CAMTA1: variants seen among roughly 807,000 people sequenced by gnomAD.
CAMTA1 encodes calmodulin-binding transcription activator 1.
A neutral mutation model predicts 170.9 loss-of-function variants in CAMTA1; 27 were observed. The ratio of observed to expected loss-of-function variants is 0.16; its 90% CI spans 0.12 to 0.22. The LOEUF is 0.22. Ranked by LOEUF, CAMTA1 falls within the 10% of genes least tolerant of loss-of-function variation. The pLI is 1.00. For missense variants in CAMTA1, 1,619 were observed against 2,217.2 expected, an observed-to-expected ratio of 0.73 and a Z score of 5.42; for synonymous variants, 833 against 891.5, an observed-to-expected ratio of 0.93 and a Z score of 1.17.
At position 7,360,559 on chromosome 1, in the gene CAMTA1, G is replaced by T. The variant is rs148308918; in HGVS notation, c.439-107271G>T. On this transcript the variant is annotated intron_variant, in intron 5 of 22. Transcript: ENST00000303635. Reference sequence around the variant, plus strand: ...CCTACCTTGGAGGATTGATTGATCTGGGATCAAATGAGGTCAAAGATGACA... The same window carrying T: ...CCTACCTTGGAGGATTGATTGATCTTGGATCAAATGAGGTCAAAGATGACA... 5.3e-3 allele frequency among the ~76,000 whole-genome samples: 814 copies of T among 152,328 alleles called. 3 individuals are homozygous for T. The highest frequency in any genetic ancestry group is 8.8e-3 in the Non-Finnish European group (599 of 68,028).
chr1:7,470,060 C>A (rs2093301965), intron 6 of CAMTA1, among the ~76,000 whole-genome samples: 1 of 152,246 alleles, frequency 6.6e-6, no homozygotes, highest in African/African-American at 2.4e-5. Context: ...GACCAGGCTT[C>A]TTCATGGCCG....
At chr1:6,987,309 T>C (rs568382791) in intron 3 of CAMTA1, among the ~76,000 whole-genome samples, 21 of 152,222 alleles carry the variant, frequency 1.4e-4, no homozygotes, top group Admixed American at 1.2e-3. Flanking sequence ...ACTACAGGCA[T>C]GTGCCACCAT....
intron 3 of CAMTA1, among the ~76,000 whole-genome samples, chr1:7,034,564 C>A (rs547874424): frequency 6.6e-6 from 1 of 152,356 alleles, no homozygotes; most frequent in Admixed American, 6.5e-5. Flanking sequence ...CTGCACAGCT[C>A]TGGAGTTCTC....
chr1:7,433,862 G>A (rs920883030), intron 5 of CAMTA1, among the ~76,000 whole-genome samples: 4 of 152,132 alleles, frequency 2.6e-5, no homozygotes, highest in Non-Finnish European at 4.4e-5. Flanking sequence ...ACAGGAAAGG[G>A]AGACTCATGG....
chr1:7,527,371 T>G (rs2094442828), intron 6 of CAMTA1, among the ~76,000 whole-genome samples: 1 of 152,184 alleles, frequency 6.6e-6, no homozygotes, highest in African/African-American at 2.4e-5. Context: ...TGGAGAGTCA[T>G]CCCTGGGCTA....
chr1:6,990,833 G>A (rs151332872), intron 3 of CAMTA1, among the ~76,000 whole-genome samples: 1,957 of 150,710 alleles, frequency 0.013, 35 homozygotes, highest in African/African-American at 0.045. Flanking sequence ...ATATATATAT[G>A]TGTGTGTGTG....
chr1:7,411,007 C>CTG (rs139916105), intron 5 of CAMTA1, among the ~76,000 whole-genome samples: 1 of 151,042 alleles, frequency 6.6e-6, no homozygotes, highest in Non-Finnish European at 1.5e-5. Flanking sequence ...GTGTGTATGT[C>CTG]TGTGTGTGTG....
intron 4 of CAMTA1, among the ~76,000 whole-genome samples, chr1:7,207,779 A>G (rs1054406249): frequency 2.0e-5 from 3 of 152,036 alleles, no homozygotes; most frequent in Non-Finnish European, 4.4e-5. Flanking sequence ...ACCTGCCTTT[A>G]TCTCCCCAGT....
intron 3 of CAMTA1, among the ~76,000 whole-genome samples, chr1:6,904,453 G>C (rs183508060): frequency 5.0e-4 from 76 of 151,652 alleles, no homozygotes; most frequent in African/African-American, 1.7e-3. Context: ...TCTCTGGACT[G>C]TTTTCTGATT....
chr1:6,920,765 A>G (rs1681828788), intron 3 of CAMTA1, among the ~76,000 whole-genome samples: 1 of 152,146 alleles, frequency 6.6e-6, no homozygotes, highest in Non-Finnish European at 1.5e-5. Flanking sequence ...TAGGGCTTCC[A>G]CCCTCTGAAG....
chr1:7,713,636 G>T (rs759943912), intron 11 of CAMTA1, among the ~76,000 whole-genome samples: 26 of 152,126 alleles, frequency 1.7e-4, no homozygotes, highest in East Asian at 1.3e-3. Flanking sequence ...TCAATAGCTC[G>T]TGGGAAATGT....
At position 7,113,656 on chromosome 1, in the gene CAMTA1, G is replaced by A. The variant is rs1307612175; in HGVS notation, c.302+22285G>A. Among the ~76,000 whole-genome samples the A allele has an allele frequency of 1.3e-5, 2 of 152,250 alleles. No homozygotes were observed. The highest frequency in any genetic ancestry group is 2.9e-5 in the Non-Finnish European group (2 of 68,044). Reference sequence around the variant, plus strand: ...TATATTCTAACATGGTAATGAGGAAGCGGCTTTTGTCCAAGAGGTGAGATA... The same window carrying A: ...TATATTCTAACATGGTAATGAGGAAACGGCTTTTGTCCAAGAGGTGAGATA... On this transcript the variant is annotated intron_variant, in intron 4 of 22. Transcript: ENST00000303635. This position sits in a 1 kb window ranked among gnomAD's most constrained non-coding sequence, Gnocchi z 4.5.
Position 7,502,039 on chromosome 1 carries a change from G to A in CAMTA1, c.510+34138G>A, listed in dbSNP as rs568621672. Among the ~76,000 whole-genome samples, 12 of 152,360 alleles carry A rather than the reference G, an allele frequency of 7.9e-5. No individual in the cohort carries two copies. In the East Asian group the frequency reaches 1.2e-3, roughly 15 times the overall value. ...CCTTGGCTGCAATCTCAAGCCCCCC[G>A]GAGGAGGAAGCAGCAAGGCGCCTGC... On this transcript the variant is annotated intron_variant, in intron 6 of 22. Coordinates refer to ENST00000303635, the MANE Select transcript of CAMTA1 (RefSeq NM_015215.4).
chr1:7,391,581 C>G (rs891062977), intron 5 of CAMTA1, among the ~76,000 whole-genome samples: 2 of 152,124 alleles, frequency 1.3e-5, no homozygotes, highest in African/African-American at 4.8e-5. Context: ...TTTCCATCAG[C>G]TTGGTCCAGT....
intron 11 of CAMTA1, among the ~76,000 whole-genome samples, chr1:7,691,028 C>T (rs2096304628): frequency 6.6e-6 from 1 of 152,224 alleles, no homozygotes; most frequent in South Asian, 2.1e-4. Context: ...GACCTGCAGT[C>T]AACGAGCTTC....
intron 5 of CAMTA1, among the ~76,000 whole-genome samples, chr1:7,305,598 G>A (rs539878351): frequency 1.6e-4 from 24 of 151,992 alleles, no homozygotes; most frequent in Admixed American, 2.6e-4. Context: ...TTTCATTGCC[G>A]AGTAATACTC....
chr1:7,468,357 G>A (rs1418911014), intron 6 of CAMTA1, among the ~76,000 whole-genome samples: 2 of 152,246 alleles, frequency 1.3e-5, no homozygotes, highest in Non-Finnish European at 2.9e-5. Flanking sequence ...GGGAAAGGAG[G>A]AAGGAGCTCC....
chr1:7,172,689 A>G (rs1402635741), intron 4 of CAMTA1, among the ~76,000 whole-genome samples: 2 of 152,246 alleles, frequency 1.3e-5, no homozygotes, highest in African/African-American at 2.4e-5. Flanking sequence ...CCTCTCAGCC[A>G]GCCTGATGTT....
chr1:7,172,711 C>T (rs1649913054), intron 4 of CAMTA1, among the ~76,000 whole-genome samples: 1 of 152,194 alleles, frequency 6.6e-6, no homozygotes, highest in Admixed American at 6.5e-5. Context: ...TCATTCTTGC[C>T]AGGCTTTCCC....
Sources: allele counts gnomAD v4.1 joint callset (sites outside exome capture counted in the v4.1 genomes callset), GRCh38; gene constraint gnomAD v4.1.1; non-coding constraint Gnocchi (gnomAD v3.1); transcripts MANE v1.5; gene names NCBI Gene and HGNC (gene_info 2026-07-23, HGNC 2026-07-21).